The following RESP18 variants were observed in gnomAD, a reference collection of about 807,000 sequenced individuals.
The protein encoded by RESP18 is regulated endocrine specific protein 18, also known as regulated endocrine-specific protein 18.
RESP18 carries 30 observed loss-of-function variants against 30.0 expected under a neutral mutation model. The ratio of observed to expected loss-of-function variants is 1.00; its 90% CI spans 0.75 to 1.36. RESP18 has a LOEUF of 1.36. RESP18 is among the 40% of genes most tolerant of loss of function. The pLI is 0.00. For missense variants in RESP18, 320 were observed against 284.2 expected (o/e 1.13, Z -0.91); for synonymous variants, 117 against 111.2 (o/e 1.05, Z -0.33).
rs542443264 is a variant in RESP18, at chr2:219,332,778, G to A, written c.18-40C>T. 59 of 1,467,992 alleles carry A rather than the reference G, an allele frequency of 4.0e-5. No individual in the cohort carries two copies. In the East Asian group the frequency reaches 1.4e-3, roughly 34 times the overall value. 90.9% of individuals were successfully genotyped at this position (1,467,992 alleles called of 1,614,324 possible). A position where few individuals can be genotyped will look rare whatever the true frequency, so the allele number is the denominator to read the frequency against. On this transcript the variant is annotated intron_variant, in intron 1 of 6. Coordinates refer to ENST00000333527, the MANE Select transcript of RESP18 (RefSeq NM_001007089.4). The stretch of plus-strand genomic sequence containing the variant: ...TCGGCAGTTCAGCCAATCGTGAGCG[G>A]GCCCTGCCCCTGCGGTCGCCTCCCC...
At chr2:219,333,110 TATATA>T (rs1234677374) in intron 1 of RESP18, 1 of 1,249,744 alleles carries the variant, frequency 8.0e-7, no homozygotes, top group Non-Finnish European at 1.1e-6. Context: ...TATATATATA[TATATA>T]ATATTATATA....
chr2:219,331,516 A>G (rs1020506901), intron 2 of RESP18, among the ~76,000 whole-genome samples: 15 of 152,198 alleles, frequency 9.9e-5, no homozygotes, highest in African/African-American at 3.6e-4. Flanking sequence ...TCTCCTACCC[A>G]GTCAAATGGA....
At chr2:219,330,177 C>A (rs182448494) in intron 3 of RESP18, among the ~76,000 whole-genome samples, 2 of 152,156 alleles carry the variant, frequency 1.3e-5, no homozygotes, top group Non-Finnish European at 2.9e-5. Context: ...AGTTCCCTGG[C>A]GAGGTTGATG....
chr2:219,330,271 A>G (rs16859795), intron 3 of RESP18, among the ~76,000 whole-genome samples: 14,059 of 152,224 alleles, frequency 0.092, 714 homozygotes, highest in South Asian at 0.13. Context: ...ATATGAACTC[A>G]AGGAAGATTT....
At chr2:219,330,041 T>G (rs1952813968) in intron 3 of RESP18, among the ~76,000 whole-genome samples, 1 of 152,200 alleles carries the variant, frequency 6.6e-6, no homozygotes, top group African/African-American at 2.4e-5. Context: ...GCAGTGATTA[T>G]CAAACTTTAG....
In RESP18 at chr2:219,327,437, A is replaced by G; in HGVS notation, c.*80T>C. On this transcript the variant is annotated 3_prime_UTR_variant, in exon 7 of 7. Coordinates refer to ENST00000333527, the MANE Select transcript of RESP18 (RefSeq NM_001007089.4). ...ATGAGAGTCTACTTTAATGATTCAA[A>G]TCTGGGTCATCCAAGAACTGCTCCT... The G allele has an allele frequency of 1.6e-6, 2 of 1,265,432 alleles. No homozygotes were observed. The highest frequency in any genetic ancestry group is 2.3e-6 in the Non-Finnish European group (2 of 886,968). 78.4% of individuals were successfully genotyped at this position (1,265,432 alleles called of 1,614,324 possible).
intron 3 of RESP18, 85 bp from the exon 3 acceptor site, chr2:219,329,849 A>C: frequency 7.6e-7 from 1 of 1,309,110 alleles, no homozygotes; most frequent in South Asian, 1.5e-5. Context: ...TCTCTCAAGT[A>C]TATATTAGAT....
intron 6 of RESP18, among the ~76,000 whole-genome samples, chr2:219,328,473 G>T (rs1255568838): frequency 1.3e-5 from 2 of 152,068 alleles, no homozygotes; most frequent in Non-Finnish European, 2.9e-5. Flanking sequence ...CAGTGTGGAG[G>T]AGTCTGATGT....
intron 4 of RESP18, 60 bp downstream of exon 3, chr2:219,329,577 T>A: frequency 6.5e-7 from 1 of 1,546,620 alleles, no homozygotes; most frequent in Non-Finnish European, 8.7e-7. Context: ...CACACATTCC[T>A]TCCCTGTTCC....
chr2:219,332,676 G>C lies in RESP18; in HGVS notation c.80C>G (p.Thr27Ser). 1 of 1,551,140 alleles carries C rather than the reference G, an allele frequency of 6.4e-7. No homozygotes were observed. The change falls in exon 2 of 7, where the codon ACC (threonine) becomes AGC (serine). Residue 27 changes from threonine to serine, a missense_variant. Thr to Ser is a moderately conservative substitution (Grantham distance 58). Coordinates refer to ENST00000333527, the MANE Select transcript of RESP18 (RefSeq NM_001007089.4). ...ACTCCCCGGCCAAGTCTCAGTGAAGGTAGCGGCCACGGCCGAGGGGCTGAG... is the reference window on the plus strand; with the variant it reads ...ACTCCCCGGCCAAGTCTCAGTGAAGCTAGCGGCCACGGCCGAGGGGCTGAG...
Position 219,332,527 on chromosome 2 carries a change from G to T in RESP18, c.229C>A (p.His77Asn), listed in dbSNP as rs1239891524. Residue 77 changes from histidine (H) to asparagine (N), a missense_variant, in exon 2 of 7, where the codon CAC becomes AAC. By Grantham distance (68) the His-to-Asn change is moderately conservative. Transcript: ENST00000333527. ...ACCCCCCAGGGTTCCTCCTGACCGT[G>T]GGCACTAGTGTCGCTGCAGCCCCCC... 6.5e-7 allele frequency: 1 copy of T among 1,550,200 alleles called. No homozygotes were observed. Among genetic ancestry groups the T allele is most frequent in the Admixed American group, 2.0e-5 (1 of 50,956 alleles).
intron 2 of RESP18, 49 bp from the exon 2 acceptor site, chr2:219,330,924 A>C: frequency 9.0e-7 from 1 of 1,106,800 alleles, no homozygotes; most frequent in Non-Finnish European, 1.3e-6. Flanking sequence ...AGAGCCTTCC[A>C]CATCCCAGTT....
Position 219,329,399 on chromosome 2 carries a change from C to T in RESP18, c.466-147G>A, listed in dbSNP as rs913887412. 7 of 1,551,244 alleles carry T rather than the reference C, an allele frequency of 4.5e-6. No homozygotes were observed. The Admixed American group carries it at 9.8e-5, about 22-fold the overall frequency. ...TGGGGAATAGGAGTTGAAGTTTCTC[C>T]TCTTGCTAGAAGAGACAGGGAATGA... is the stretch of plus-strand genomic sequence containing the variant. On this transcript the variant is annotated intron_variant, in intron 4 of 6. Transcript: ENST00000333527.
At chr2:219,327,694 C>T (rs549508760) in intron 6 of RESP18, 131 bp from the exon 6 acceptor site, 143 of 767,592 alleles carry the variant, frequency 1.9e-4, no homozygotes, top group Non-Finnish European at 3.0e-4. Flanking sequence ...TGACAGCTCA[C>T]CAACTGAGAG....
intron 6 of RESP18, among the ~76,000 whole-genome samples, chr2:219,328,681 C>A (rs1952797842): frequency 6.6e-6 from 1 of 152,122 alleles, no homozygotes; most frequent in Non-Finnish European, 1.5e-5. Flanking sequence ...GGGCGGTTTC[C>A]ATTCTGGATT....
At chr2:219,331,870 G>A (rs1952835171) in intron 2 of RESP18, among the ~76,000 whole-genome samples, 1 of 152,222 alleles carries the variant, frequency 6.6e-6, no homozygotes, top group Non-Finnish European at 1.5e-5. Context: ...ATTGCCACCA[G>A]GCCTCCTCCC....
At chr2:219,327,601 G>A (rs1381363718) in intron 6 of RESP18, 38 bp from the exon 6 acceptor site, 2 of 1,518,148 alleles carry the variant, frequency 1.3e-6, no homozygotes, top group Admixed American at 3.9e-5. Context: ...GAGTCAGGAT[G>A]TGAGACAGTG....
Position 219,327,548 on chromosome 2 carries a change from G to A in RESP18, c.656C>T (p.Thr219Ile), listed in dbSNP as rs1323338447. ...ACAGGGTTGCGGCCCACAGTAGGAAGTGGCCCAGAGAAGCCCTAAAACAAG... is the reference window on the plus strand; with the variant it reads ...ACAGGGTTGCGGCCCACAGTAGGAAATGGCCCAGAGAAGCCCTAAAACAAG... Residue 219 changes from threonine (T) to isoleucine (I), a missense_variant, in exon 7 of 7, where the codon ACT (threonine) becomes ATT (isoleucine). Transcript: ENST00000333527. The A allele has an allele frequency of 6.4e-7, 1 of 1,551,558 alleles. No homozygotes were observed. Among genetic ancestry groups the A allele is most frequent in the Non-Finnish European group, 8.7e-7 (1 of 1,146,972 alleles).
chr2:219,332,411 C>A, intron 2 of RESP18, 113 bp downstream of exon 1: 1 of 770,880 alleles, frequency 1.3e-6, no homozygotes, highest in South Asian at 1.8e-5. Context: ...TTCTCACGTC[C>A]TTAAGCACAT....
Sources: allele counts gnomAD v4.1 joint callset (sites outside exome capture counted in the v4.1 genomes callset), GRCh38; gene constraint gnomAD v4.1.1; transcripts MANE v1.5; gene names NCBI Gene and HGNC (gene_info 2026-07-23, HGNC 2026-07-21).